Variants in DNAJC6 observed in about 807,000 individuals in gnomAD.
DNAJC6 encodes auxilin.
A neutral mutation model predicts 110.0 loss-of-function variants in DNAJC6; 34 were observed. The observed-to-expected ratio is 0.31, with a 90% CI of 0.24 to 0.41. DNAJC6 has a LOEUF of 0.41. Ranked by LOEUF, DNAJC6 falls within the 10% of genes least tolerant of loss-of-function variation. The pLI, the probability that DNAJC6 is intolerant of heterozygous loss-of-function variation, is 1.00. For synonymous variants in DNAJC6, 406 were observed against 437.2 expected (o/e 0.93, Z 0.89); for missense variants, 1,031 against 1,207.8 (o/e 0.85, Z 2.17).
chr1:65,279,154 A>G (rs1216616591), intron 1 of DNAJC6: 16 of 985,226 alleles, frequency 1.6e-5, no homozygotes, highest in Non-Finnish European at 1.8e-5. Flanking sequence ...AGCCATTTTT[A>G]GTTTGGTGCT....
At chr1:65,368,212 C>T (rs1645667855) in intron 4 of DNAJC6, among the ~76,000 whole-genome samples, 1 of 152,124 alleles carries the variant, frequency 6.6e-6, no homozygotes, top group East Asian at 1.9e-4. Context: ...CCAGTGACAG[C>T]TGGACCTTAG....
intron 18 of DNAJC6, 54 bp downstream of exon 18, chr1:65,411,480 T>C: frequency 6.5e-7 from 1 of 1,538,434 alleles, no homozygotes; most frequent in Non-Finnish European, 8.9e-7. Context: ...TTCATTATCT[T>C]ATGAGTATGT....
intron 4 of DNAJC6, among the ~76,000 whole-genome samples, chr1:65,371,530 T>A (rs1322362572): frequency 6.6e-6 from 1 of 152,128 alleles, no homozygotes; most frequent in Admixed American, 6.6e-5. Flanking sequence ...ATTATCCCCA[T>A]CCTCCAAAAA....
chr1:65,361,141 C>G (rs972713116), intron 1 of DNAJC6, among the ~76,000 whole-genome samples: 2 of 152,324 alleles, frequency 1.3e-5, no homozygotes, highest in Admixed American at 1.3e-4. Context: ...CTTCTTTGAG[C>G]TTCCATTGCT....
chr1:65,382,406 T>C (rs1645830551), intron 5 of DNAJC6, among the ~76,000 whole-genome samples: 1 of 152,224 alleles, frequency 6.6e-6, no homozygotes, highest in Non-Finnish European at 1.5e-5. Context: ...ATTTAGTTAT[T>C]CATTTTAATC....
At chr1:65,360,312 T>G (rs1232438145) in intron 1 of DNAJC6, among the ~76,000 whole-genome samples, 1 of 152,222 alleles carries the variant, frequency 6.6e-6, no homozygotes, top group Non-Finnish European at 1.5e-5. Flanking sequence ...AGATGGACTC[T>G]GGCAAGTTGT....
intron 1 of DNAJC6, among the ~76,000 whole-genome samples, chr1:65,331,292 C>T (rs969296504): frequency 6.6e-6 from 1 of 152,188 alleles, no homozygotes; most frequent in Non-Finnish European, 1.5e-5. Context: ...CAGAAATTCT[C>T]AGGATTCTGT....
Position 65,309,893 on chromosome 1 carries a change from C to G in DNAJC6, c.148C>G (p.Pro50Ala). 6.5e-7 allele frequency: 1 copy of G among 1,542,800 alleles called. No individual in the cohort carries two copies. The highest frequency in any genetic ancestry group is 8.7e-7 in the Non-Finnish European group (1 of 1,143,050). Residue 50 changes from proline to alanine, a missense_variant, in exon 1 of 19, where the codon CCC (proline) becomes GCC (alanine). Physicochemically the swap from Pro to Ala is conservative, Grantham distance 27 (BLOSUM62 -1). Coordinates refer to ENST00000371069, the MANE Select transcript of DNAJC6 (RefSeq NM_001256864.2). ...GAACGCCGGGGCAGCGGCGCGGAGT[C>G]CCGCCCGACAGCCTCCGGACCGCGC... ...RVNAGAAARS[P>A]ARQPPDRAST... is the part of the protein sequence containing the mutation.
At chr1:65,390,630 A>G (rs763911703) in intron 11 of DNAJC6, among the ~76,000 whole-genome samples, 4 of 152,212 alleles carry the variant, frequency 2.6e-5, no homozygotes, top group African/African-American at 9.7e-5. Flanking sequence ...TATGAAAGGC[A>G]TGGGAAACTG....
chr1:65,412,950 C>G lies in DNAJC6; in HGVS notation c.2838C>G (p.Tyr946Ter). 2 of 1,613,950 alleles carry G rather than the reference C, an allele frequency of 1.2e-6. No individual in the cohort carries two copies. The highest frequency in any genetic ancestry group is 1.7e-6 in the Non-Finnish European group (2 of 1,179,968). ...CTACTGGGCAACCCTATGAACAATACGCAAAGATGATTTTCATGGAGCTCA... is the reference window on the plus strand; with the variant it reads ...CTACTGGGCAACCCTATGAACAATAGGCAAAGATGATTTTCATGGAGCTCA... ...DKATGQPYEQ[Y>*]AKMIFMELND... Residue 946 changes from tyrosine (Y) to a stop codon, truncating the protein, a stop_gained, in exon 19 of 19, where the codon TAC becomes TAG. Transcript: ENST00000371069. LOFTEE classifies it high-confidence loss of function.
chr1:65,279,869 G>A (rs886144714), intron 1 of DNAJC6: 3 of 152,016 alleles, frequency 2.0e-5, no homozygotes, highest in African/African-American at 7.3e-5. Context: ...ATTTGGGCAC[G>A]GCATATGTCC....
intron 13 of DNAJC6, among the ~76,000 whole-genome samples, chr1:65,395,907 A>G (rs1329890145): frequency 9.9e-5 from 15 of 152,242 alleles, no homozygotes; most frequent in Non-Finnish European, 1.5e-5. Context: ...TTTGAGCCAG[A>G]GAGTTGTAGC....
chr1:65,355,674 G>T lies in DNAJC6; in HGVS notation c.194-8961G>T, dbSNP rs148589192. 2.3e-3 allele frequency among the ~76,000 whole-genome samples: 347 copies of T among 152,198 alleles called. 3 individuals are homozygous for T. The highest frequency in any genetic ancestry group is 8.0e-3 in the African/African-American group (332 of 41,514). On this transcript the variant is annotated intron_variant, in intron 1 of 18. Coordinates refer to ENST00000371069, the MANE Select transcript of DNAJC6 (RefSeq NM_001256864.2). Reference sequence around the variant, plus strand: ...AGCTCACAATAAGTCCTCCTACCAGGCACCAGGTCACGTCAAGATGAGAAG... The same window carrying T: ...AGCTCACAATAAGTCCTCCTACCAGTCACCAGGTCACGTCAAGATGAGAAG...
At chr1:65,338,296 C>T (rs564460732) in intron 1 of DNAJC6, among the ~76,000 whole-genome samples, 1 of 152,178 alleles carries the variant, frequency 6.6e-6, no homozygotes, top group South Asian at 2.1e-4. Flanking sequence ...AATACACAGC[C>T]ACAGAATCAC....
chr1:65,308,072 T>C (rs1345299318), upstream of DNAJC6, among the ~76,000 whole-genome samples: 1 of 152,216 alleles, frequency 6.6e-6, no homozygotes, highest in African/African-American at 2.4e-5. Flanking sequence ...AAAATGTCTC[T>C]TAGTCCAATT....
intron 1 of DNAJC6, among the ~76,000 whole-genome samples, chr1:65,293,488 G>C (rs1644899841): frequency 6.6e-6 from 1 of 152,052 alleles, no homozygotes; most frequent in Admixed American, 6.6e-5. Context: ...ATTTTGGAGG[G>C]ACACAGACAC....
intron 4 of DNAJC6, among the ~76,000 whole-genome samples, chr1:65,367,897 A>G (rs1339013308): frequency 4.2e-5 from 6 of 142,186 alleles, no homozygotes. Context: ...TTTTTTGGAT[A>G]CCTAGAACAA....
intron 1 of DNAJC6, among the ~76,000 whole-genome samples, chr1:65,348,795 GTTAT>G (rs888715604): frequency 2.0e-5 from 3 of 149,994 alleles, no homozygotes; most frequent in African/African-American, 7.3e-5. Flanking sequence ...GTCTACTCTC[GTTAT>G]TTGTTTCTAA....
Position 65,309,768 on chromosome 1 carries a change from G to A in DNAJC6, c.23G>A (p.Arg8Gln). 2 of 1,547,712 alleles carry A rather than the reference G, an allele frequency of 1.3e-6. No individual in the cohort carries two copies. The highest frequency in any genetic ancestry group is 1.7e-6 in the Non-Finnish European group (2 of 1,145,710). MSLLGSY[R>Q]KKTSNDGYES... is the part of the protein sequence containing the mutation. Reference sequence around the variant, plus strand: ...CCCATGAGCCTCCTCGGGAGCTACCGGAAAAAGACCAGCAACGATGGTTAT... The same window carrying A: ...CCCATGAGCCTCCTCGGGAGCTACCAGAAAAAGACCAGCAACGATGGTTAT... Residue 8 changes from arginine (R) to glutamine (Q), a missense_variant, in exon 1 of 19, where the codon CGG (arginine) becomes CAG (glutamine). Transcript: ENST00000371069.
Sources: gnomAD v4.1 joint callset for allele counts (sites outside exome capture counted in the v4.1 genomes callset) on GRCh38, gnomAD v4.1.1 for gene constraint, MANE v1.5 for transcripts, NCBI Gene and HGNC (gene_info 2026-07-23, HGNC 2026-07-21) for gene names.